Variants in ELN observed in about 807,000 individuals in gnomAD.
ELN encodes elastin, also known as tropoelastin.
ELN carries 65 observed loss-of-function variants against 105.8 expected under a neutral mutation model. The observed-to-expected ratio is 0.61, with a 90% CI of 0.50 to 0.75. The LOEUF is 0.75. Ranked by LOEUF, ELN falls within the 30% of genes least tolerant of loss-of-function variation. ELN has a pLI of 0.00. For missense variants in ELN, 882 were observed against 969.4 expected (o/e 0.91, Z 1.20); for synonymous variants, 368 against 389.2 (o/e 0.95, Z 0.64).
chr7:74,069,304 G>T lies in ELN; in HGVS notation c.*604G>T, dbSNP rs782654101. On this transcript the variant is annotated 3_prime_UTR_variant, in exon 33 of 33. Coordinates refer to ENST00000252034, the MANE Select transcript of ELN (RefSeq NM_000501.4). ...GGGTTGGAAAACCACCCCACACTGG[G>T]AATAGCCACCTTGCCCTTGTAGAAT... is the stretch of plus-strand genomic sequence containing the variant. The T allele has an allele frequency of 8.4e-6, 2 of 237,452 alleles. No individual in the cohort carries two copies. Among genetic ancestry groups the T allele is most frequent in the Non-Finnish European group, 1.7e-5 (2 of 120,212 alleles). The allele number at this position is 237,452 out of a possible 1,614,324, so 14.7% of individuals were successfully genotyped here. A position where few individuals can be genotyped will look rare whatever the true frequency, so the allele number is the denominator to read the frequency against.
At chr7:74,042,438 A>C (rs535371788) in intron 5 of ELN, among the ~76,000 whole-genome samples, 176 bp from the exon 6 acceptor site, 2 of 152,060 alleles carry the variant, frequency 1.3e-5, no homozygotes, top group Admixed American at 6.5e-5. Flanking sequence ...AAAAAAAAAA[A>C]AATCCATTAC....
intron 32 of ELN, 116 bp from the exon 33 acceptor site, chr7:74,068,541 A>ACTTGGCTTCT (rs1286964420): frequency 7.7e-7 from 1 of 1,300,796 alleles, no homozygotes; most frequent in East Asian, 2.4e-5. Context: ...TGGGGCCATG[A>ACTTGGCTTCT]CTTGGCTTCT....
intron 1 of ELN, 107 bp from the exon 2 acceptor site, chr7:74,035,257 T>G: frequency 1.9e-6 from 2 of 1,046,392 alleles, no homozygotes; most frequent in South Asian, 2.6e-5. Context: ...TGTTTCCATG[T>G]AATTGTGGGT....
intron 11 of ELN, 53 bp downstream of exon 11, chr7:74,046,270 G>A: frequency 6.2e-7 from 1 of 1,613,282 alleles, no homozygotes; most frequent in African/African-American, 1.3e-5. Context: ...AGAGGCTCTG[G>A]CGTTGGGAGG....
chr7:74,061,796 C>G (rs1214702832), intron 26 of ELN, among the ~76,000 whole-genome samples: 1 of 152,138 alleles, frequency 6.6e-6, no homozygotes, highest in East Asian at 1.9e-4. Flanking sequence ...CCCAGTTGCC[C>G]CCCAGGAGGC....
chr7:74,043,648 G>A, intron 8 of ELN: 1 of 652,426 alleles, frequency 1.5e-6, no homozygotes, highest in Non-Finnish European at 2.8e-6. Context: ...GCCCAGCCAT[G>A]TAAACAGGCT....
In ELN at chr7:74,057,630, A is replaced by C; in HGVS notation, c.1358-10A>C. 6.2e-7 allele frequency: 1 copy of C among 1,614,008 alleles called. No individual in the cohort carries two copies. Among genetic ancestry groups the C allele is most frequent in the South Asian group, 1.1e-5 (1 of 91,070 alleles). Reference sequence around the variant, plus strand: ...GATTACTCTCTCACCCCTTCTCTTCACACCTCCAGGAGTGGGGACCCCAGC... The same window carrying C: ...GATTACTCTCTCACCCCTTCTCTTCCCACCTCCAGGAGTGGGGACCCCAGC... On this transcript the variant is annotated splice_polypyrimidine_tract_variant and intron_variant, in intron 21 of 32. Transcript: ENST00000252034.
intron 4 of ELN, among the ~76,000 whole-genome samples, chr7:74,040,442 G>A (rs1790936025): frequency 6.6e-6 from 1 of 152,236 alleles, no homozygotes; most frequent in Admixed American, 6.5e-5. Flanking sequence ...GGAGTGGTTA[G>A]TAACGGAGAC....
At chr7:74,050,405 C>G (rs1333984571) in intron 15 of ELN, among the ~76,000 whole-genome samples, 3 of 151,698 alleles carry the variant, frequency 2.0e-5, no homozygotes, top group African/African-American at 7.3e-5. Context: ...ATCCATCCAT[C>G]CATCCATCCA....
At chr7:74,042,286 G>A (rs1296972016) in intron 5 of ELN, among the ~76,000 whole-genome samples, 2 of 151,796 alleles carry the variant, frequency 1.3e-5, no homozygotes, top group African/African-American at 4.8e-5. Flanking sequence ...AAATTTGCCG[G>A]GCACAGTGGC....
intron 30 of ELN, 71 bp downstream of exon 30, chr7:74,065,803 A>T: frequency 6.2e-7 from 1 of 1,610,312 alleles, no homozygotes; most frequent in Non-Finnish European, 8.5e-7. Context: ...ACCCTCCCCC[A>T]GCCCAGCTCA....
intron 1 of ELN, 23 bp from the exon 2 acceptor site, chr7:74,035,341 T>C (rs530703613): frequency 6.2e-7 from 1 of 1,613,858 alleles, no homozygotes; most frequent in African/African-American, 1.3e-5. Flanking sequence ...CCTGGAGGAC[T>C]GACTCTACCT....
chr7:74,057,717 C>T (rs781915623), intron 22 of ELN, 21 bp downstream of exon 22: 3 of 1,612,712 alleles, frequency 1.9e-6, no homozygotes, highest in Non-Finnish European at 2.5e-6. Flanking sequence ...CTCACCCCCG[C>T]CACTGGCTCA....
chr7:74,044,301 C>A (rs782411112), intron 9 of ELN, among the ~76,000 whole-genome samples: 1 of 151,940 alleles, frequency 6.6e-6, no homozygotes, highest in Non-Finnish European at 1.5e-5. Context: ...TAGTACCCCC[C>A]TCGCCTCCCC....
At position 74,046,173 on chromosome 7, in the gene ELN, T is replaced by C. The variant is rs1554671997; in HGVS notation, c.542-15T>C. The C allele has an allele frequency of 6.2e-7, 1 of 1,614,250 alleles. No homozygotes were observed. Among genetic ancestry groups the C allele is most frequent in the East Asian group, 2.2e-5 (1 of 44,890 alleles). ...ACAGTTCCAGGGCTGTAGTGACAGCTTTTTATCATTACAGGTGTAGGTGGA... is the reference window on the plus strand; with the variant it reads ...ACAGTTCCAGGGCTGTAGTGACAGCCTTTTATCATTACAGGTGTAGGTGGA... On this transcript the variant is annotated splice_polypyrimidine_tract_variant and intron_variant, in intron 10 of 32. Transcript: ENST00000252034.
At chr7:74,036,438 G>T in intron 2 of ELN, 117 bp from the exon 3 acceptor site, 1 of 1,374,742 alleles carries the variant, frequency 7.3e-7, no homozygotes, top group Non-Finnish European at 1.0e-6. Flanking sequence ...CAGAGAGCAG[G>T]TCTTGCCCAA....
At chr7:74,044,836 G>A (rs1252792281) in intron 9 of ELN, among the ~76,000 whole-genome samples, 1 of 152,228 alleles carries the variant, frequency 6.6e-6, no homozygotes, top group Admixed American at 6.5e-5. Flanking sequence ...GGGGGTCTGG[G>A]TTGTGAGCGA....
Position 74,046,184 on chromosome 7 carries a change from A to G in ELN, c.542-4A>G, listed in dbSNP as rs201232863. The G allele has an allele frequency of 6.2e-7, 1 of 1,614,232 alleles. No individual in the cohort carries two copies. On this transcript the variant is annotated splice_region_variant and splice_polypyrimidine_tract_variant and intron_variant, in intron 10 of 32. Coordinates refer to ENST00000252034, the MANE Select transcript of ELN (RefSeq NM_000501.4). ...GCTGTAGTGACAGCTTTTTATCATT[A>G]CAGGTGTAGGTGGAGCTTTTGCTGG...
At chr7:74,060,298 G>A in intron 24 of ELN, 78 bp from the exon 25 acceptor site, 2 of 1,613,984 alleles carry the variant, frequency 1.2e-6, no homozygotes, top group Non-Finnish European at 1.7e-6. Flanking sequence ...CTGGGACTAG[G>A]CTCAGCTCCC....
Sources: gnomAD v4.1 joint callset for allele counts (sites outside exome capture counted in the v4.1 genomes callset) on GRCh38, gnomAD v4.1.1 for gene constraint, MANE v1.5 for transcripts, NCBI Gene and HGNC (gene_info 2026-07-23, HGNC 2026-07-21) for gene names.